Variants in SMG9 observed in about 807,000 individuals in gnomAD.
SMG9 encodes the protein nonsense-mediated mRNA decay factor SMG9.
A neutral mutation model predicts 64.0 loss-of-function variants in SMG9; 55 were observed. That is an observed-to-expected ratio of 0.86 (90% CI 0.69 to 1.08). The LOEUF (loss-of-function observed/expected upper bound fraction) is 1.08, where lower values mean the gene tolerates loss of function less well. Ranked by LOEUF, SMG9 falls within the 50% of genes least tolerant of loss-of-function variation. The pLI is 0.00. For synonymous variants in SMG9, 244 were observed against 254.8 expected, an observed-to-expected ratio of 0.96 and a Z score of 0.41; for missense variants, 554 against 681.3, an observed-to-expected ratio of 0.81 and a Z score of 2.08.
In SMG9 at chr19:43,744,758, T is replaced by G. The variant is rs746303601; in HGVS notation, c.701+14A>C. 17 of 1,604,600 alleles carry G rather than the reference T, an allele frequency of 1.1e-5. No homozygotes were observed. The highest frequency in any genetic ancestry group is 1.4e-5 in the Non-Finnish European group (17 of 1,172,758). ...GCCCACCTCCCTCCTGCACCCTATC[T>G]GATAGCCCCTCACCTCTGGTCCTCC... On this transcript the variant is annotated intron_variant, in intron 6 of 13. Transcript: ENST00000270066.
At chr19:43,737,722 C>A in intron 8 of SMG9, 40 bp from the exon 9 acceptor site, 1 of 1,596,222 alleles carries the variant, frequency 6.3e-7, no homozygotes, top group Non-Finnish European at 8.6e-7. Flanking sequence ...AGGACCTCTT[C>A]TGCCCAGACT....
chr19:43,746,840 G>C (rs1969027239), intron 5 of SMG9, among the ~76,000 whole-genome samples: 1 of 144,464 alleles, frequency 6.9e-6, no homozygotes, highest in Non-Finnish European at 1.5e-5. Context: ...TTTTTTTACT[G>C]AGACAGGGTC....
At chr19:43,740,011 C>T in intron 7 of SMG9, 96 bp downstream of exon 7, 1 of 901,570 alleles carries the variant, frequency 1.1e-6, no homozygotes, top group Non-Finnish European at 1.9e-6. Flanking sequence ...ACTGGAAGCA[C>T]ATGGAATCCA....
Position 43,733,319 on chromosome 19 carries a change from T to C in SMG9, c.1339+5A>G. The C allele has an allele frequency of 1.2e-6, 2 of 1,613,924 alleles. No homozygotes were observed. Among genetic ancestry groups the C allele is most frequent in the Non-Finnish European group, 1.7e-6 (2 of 1,179,920 alleles). ...TCTCCATGAACCTGTTGAGGGTAAC[T>C]GTACCTGCTCTTGGTGGGTTTTCAC... is the stretch of plus-strand genomic sequence containing the variant. On this transcript the variant is annotated splice_donor_5th_base_variant and intron_variant, in intron 12 of 13. Coordinates refer to ENST00000270066, the MANE Select transcript of SMG9 (RefSeq NM_019108.4).
In SMG9 at chr19:43,738,215, G is replaced by A. The variant is rs1216238812; in HGVS notation, c.816C>T (p.Pro272=). The change falls in exon 8 of 14, where the codon CCC becomes CCT. Residue 272 remains proline, a splice_region_variant and synonymous_variant. Transcript: ENST00000270066. ...QERIVFLDTQ[P]ILSPSILDHL... is the part of the protein sequence containing the mutation. Reference sequence around the variant, plus strand: ...GGTCTAGGATAGAAGGGCTCAGGATGGGCTGCAGCAAGGAAGAGAACAGAG... The same window carrying A: ...GGTCTAGGATAGAAGGGCTCAGGATAGGCTGCAGCAAGGAAGAGAACAGAG... The A allele has an allele frequency of 4.3e-6, 7 of 1,613,852 alleles. No homozygotes were observed. Among genetic ancestry groups the A allele is most frequent in the Non-Finnish European group, 5.9e-6 (7 of 1,179,854 alleles).
intron 9 of SMG9, among the ~76,000 whole-genome samples, chr19:43,737,037 G>T (rs371585537): frequency 6.6e-6 from 1 of 152,174 alleles, no homozygotes; most frequent in Non-Finnish European, 1.5e-5. Context: ...ACTTTAGGTG[G>T]CCGAGGCAGG....
chr19:43,736,374 C>A (rs558483464), intron 9 of SMG9, among the ~76,000 whole-genome samples: 1 of 152,324 alleles, frequency 6.6e-6, no homozygotes, highest in Admixed American at 6.5e-5. Flanking sequence ...GCTCCTGTCC[C>A]TTCCTTCTGC....
At chr19:43,748,579 G>A (rs1014241510) in intron 2 of SMG9, 8 of 494,862 alleles carry the variant, frequency 1.6e-5, no homozygotes, top group Non-Finnish European at 3.2e-5. Context: ...GCTGCTGGTG[G>A]CACTTGCTAT....
At chr19:43,748,559 C>A in intron 2 of SMG9, 1 of 478,274 alleles carries the variant, frequency 2.1e-6, no homozygotes, top group Non-Finnish European at 4.2e-6. Context: ...CAGGTGCTCA[C>A]TATGTGAGAG....
chr19:43,736,846 G>A (rs1282053604), intron 9 of SMG9, among the ~76,000 whole-genome samples: 1 of 152,204 alleles, frequency 6.6e-6, no homozygotes, highest in East Asian at 1.9e-4. Context: ...GTCAGGGAAG[G>A]CCTGAAGTTG....
chr19:43,747,447 T>G lies in SMG9; in HGVS notation c.583A>C (p.Ile195Leu), dbSNP rs1271281907. 1.7e-5 allele frequency: 27 copies of G among 1,613,462 alleles called. No homozygotes were observed. The highest frequency in any genetic ancestry group is 2.3e-5 in the Non-Finnish European group (27 of 1,180,032). Reference protein sequence around the residue: ...DDQMNWCDSAIEYLLDQTDVL... With the variant: ...DDQMNWCDSALEYLLDQTDVL... The stretch of plus-strand genomic sequence containing the variant: ...AGGGCAGGACCCCTCGGTACCTCGA[T>G]GGCACTGTCACACCAATTCATCTGG... Residue 195 changes from isoleucine to leucine, a missense_variant, in exon 5 of 14, where the codon ATC becomes CTC. Physicochemically the swap from Ile to Leu is conservative, Grantham distance 5. Coordinates refer to ENST00000270066, the MANE Select transcript of SMG9 (RefSeq NM_019108.4).
chr19:43,753,984 T>C (rs1309225852), intron 1 of SMG9, among the ~76,000 whole-genome samples: 2 of 151,908 alleles, frequency 1.3e-5, no homozygotes, highest in Non-Finnish European at 2.9e-5. Flanking sequence ...CGGGCTCCTT[T>C]GGGGATTACC....
chr19:43,734,562 G>A (rs1968597419), intron 9 of SMG9, 67 bp from the exon 10 acceptor site: 1 of 1,073,286 alleles, frequency 9.3e-7, no homozygotes, highest in African/African-American at 1.6e-5. Flanking sequence ...CCTGGGACAG[G>A]GGCTTCCTTT....
chr19:43,736,282 GC>G (rs1968663318), intron 9 of SMG9, among the ~76,000 whole-genome samples: 1 of 152,220 alleles, frequency 6.6e-6, no homozygotes. Flanking sequence ...ACAGACACAT[GC>G]CCAGTAAGAG....
intron 2 of SMG9, among the ~76,000 whole-genome samples, chr19:43,749,210 G>C (rs1449107560): frequency 6.6e-6 from 1 of 152,212 alleles, no homozygotes; most frequent in African/African-American, 2.4e-5. Flanking sequence ...CCAGGCGGCA[G>C]AATGTAAAGC....
intron 10 of SMG9, 75 bp from the exon 11 acceptor site, chr19:43,733,808 G>A: frequency 9.4e-7 from 1 of 1,060,284 alleles, no homozygotes; most frequent in South Asian, 1.3e-5. Context: ...TCACCCCAAA[G>A]ACCTGTTGTT....
At chr19:43,745,318 G>A (rs1196763969) in intron 5 of SMG9, among the ~76,000 whole-genome samples, 2 of 152,154 alleles carry the variant, frequency 1.3e-5, no homozygotes, top group African/African-American at 2.4e-5. Flanking sequence ...AGGGAGTGGT[G>A]TGCAAACAGG....
chr19:43,731,748 A>T, intron 13 of SMG9, 74 bp from the exon 14 acceptor site: 1 of 1,579,890 alleles, frequency 6.3e-7, no homozygotes, highest in Non-Finnish European at 8.7e-7. Context: ...GGACAGGTGG[A>T]GAAACTGAGG....
chr19:43,740,260 C>T, intron 6 of SMG9, 42 bp from the exon 7 acceptor site: 1 of 1,428,722 alleles, frequency 7.0e-7, no homozygotes, highest in Non-Finnish European at 9.9e-7. Context: ...AGCTCTGGTT[C>T]TCAGCCTTGG....
Sources: gnomAD v4.1 joint callset for allele counts (sites outside exome capture counted in the v4.1 genomes callset) on GRCh38, gnomAD v4.1.1 for gene constraint, MANE v1.5 for transcripts, NCBI Gene and HGNC (gene_info 2026-07-23, HGNC 2026-07-21) for gene names.